TOGARAM1: variants seen among roughly 807,000 people sequenced by gnomAD.
The protein encoded by TOGARAM1 is TOG array regulator of axonemal microtubules protein 1.
Under a neutral mutation model 166.6 loss-of-function variants are expected in TOGARAM1, and 100 were observed. That is an observed-to-expected ratio of 0.60 (90% CI 0.51 to 0.71). TOGARAM1 has a LOEUF of 0.71. Ranked by LOEUF, TOGARAM1 falls within the 30% of genes least tolerant of loss-of-function variation. The pLI, the probability that TOGARAM1 is intolerant of heterozygous loss-of-function variation, is 0.00. For missense variants in TOGARAM1, 2,029 were observed against 2,102.7 expected (o/e 0.96, Z 0.69); for synonymous variants, 758 against 763.8 (o/e 0.99, Z 0.13).
intron 1 of TOGARAM1, among the ~76,000 whole-genome samples, chr14:44,964,905 TC>T (rs1885430663): frequency 1.9e-5 from 2 of 107,512 alleles, no homozygotes; most frequent in African/African-American, 7.4e-5. Context: ...ATATAAAGAG[TC>T]CTGCAGGAAT....
rs1326554465 is a variant in TOGARAM1, at chr14:44,989,905, G to A, written c.2047-5841G>A. On this transcript the variant is annotated intron_variant, in intron 1 of 19. Coordinates refer to ENST00000361462, the MANE Select transcript of TOGARAM1 (RefSeq NM_001308120.2). The stretch of plus-strand genomic sequence containing the variant: ...CAGGAAACTTACAATCATAGTGGAA[G>A]GAGAAGAGGCACATCTTACATGGCA... Among the ~76,000 whole-genome samples, 9 of 152,222 alleles carry A rather than the reference G, an allele frequency of 5.9e-5. 1 individual carries two copies. The East Asian group carries it at 1.7e-3, about 29-fold the overall frequency.
At chr14:45,014,283 C>A (rs1299248387) in intron 7 of TOGARAM1, among the ~76,000 whole-genome samples, 1 of 151,936 alleles carries the variant, frequency 6.6e-6, no homozygotes, top group Non-Finnish European at 1.5e-5. Context: ...CCCACCTCGG[C>A]CTCCCAACAA....
At chr14:44,993,493 A>C (rs1325184852) in intron 1 of TOGARAM1, among the ~76,000 whole-genome samples, 2 of 152,212 alleles carry the variant, frequency 1.3e-5, no homozygotes, top group African/African-American at 4.8e-5. Flanking sequence ...GAGAGTCATC[A>C]ATCAGGTGCT....
intron 7 of TOGARAM1, among the ~76,000 whole-genome samples, chr14:45,018,640 G>A (rs1452025936): frequency 6.6e-6 from 1 of 152,142 alleles, no homozygotes; most frequent in Non-Finnish European, 1.5e-5. Flanking sequence ...TGAGTAAGAT[G>A]GAGCTTGATT....
intron 1 of TOGARAM1, among the ~76,000 whole-genome samples, chr14:44,981,781 T>A (rs1388099866): frequency 6.6e-6 from 1 of 152,150 alleles, no homozygotes; most frequent in African/African-American, 2.4e-5. Context: ...TAATTTCAGT[T>A]TATGAATACA....
At chr14:45,001,189 A>G (rs1333685233) in intron 3 of TOGARAM1, among the ~76,000 whole-genome samples, 1 of 152,226 alleles carries the variant, frequency 6.6e-6, no homozygotes, top group Non-Finnish European at 1.5e-5. Context: ...CTGGAGTGAC[A>G]TGATATCTTA....
intron 14 of TOGARAM1, among the ~76,000 whole-genome samples, chr14:45,050,344 C>T (rs1882300197): frequency 6.6e-6 from 1 of 152,136 alleles, no homozygotes; most frequent in Non-Finnish European, 1.5e-5. Flanking sequence ...CCTCCGCCTC[C>T]TGAGCTCAAG....
At chr14:45,043,823 G>T in intron 12 of TOGARAM1, 32 bp downstream of exon 12, 1 of 1,226,656 alleles carries the variant, frequency 8.2e-7, no homozygotes, top group Non-Finnish European at 1.2e-6. Context: ...GTTAAGGATT[G>T]TTAGAATAAC....
At chr14:45,049,351 C>T (rs1882244608) in intron 14 of TOGARAM1, among the ~76,000 whole-genome samples, 1 of 152,022 alleles carries the variant, frequency 6.6e-6, no homozygotes, top group African/African-American at 2.4e-5. Context: ...CAAGCTCCGC[C>T]TTCCGGGTTC....
chr14:45,048,846 G>A (rs908787486), intron 14 of TOGARAM1, among the ~76,000 whole-genome samples: 7 of 151,746 alleles, frequency 4.6e-5, no homozygotes, highest in Admixed American at 6.6e-5. Flanking sequence ...GCGTGGTGGC[G>A]TGTGCCTATA....
chr14:45,070,844 T>G (rs1265183425), intron 18 of TOGARAM1, among the ~76,000 whole-genome samples: 1 of 152,250 alleles, frequency 6.6e-6, no homozygotes, highest in African/African-American at 2.4e-5. Context: ...TCTCTGTTTC[T>G]ATTATTATTT....
intron 3 of TOGARAM1, among the ~76,000 whole-genome samples, chr14:45,000,373 A>G (rs1271218196): frequency 6.6e-6 from 1 of 152,110 alleles, no homozygotes; most frequent in East Asian, 1.9e-4. Context: ...CAGCCTCTGG[A>G]TACCATCATT....
At chr14:45,019,086 T>A (rs186838886) in intron 7 of TOGARAM1, among the ~76,000 whole-genome samples, 2 of 152,372 alleles carry the variant, frequency 1.3e-5, no homozygotes, top group African/African-American at 4.8e-5. Context: ...GCTTTCTTCC[T>A]ATACCCATTT....
Position 44,964,130 on chromosome 14 carries a change from A to G in TOGARAM1, c.1709A>G (p.Gln570Arg). Residue 570 changes from glutamine (Q) to arginine (R), a missense_variant, in exon 1 of 20, where the codon CAG becomes CGG. By Grantham distance (43) the Gln-to-Arg change is conservative. Coordinates refer to ENST00000361462, the MANE Select transcript of TOGARAM1 (RefSeq NM_001308120.2). ...GGAGATGGAGTGATGAATGCTGTGC[A>G]GGCCAGATTGGCTAGGAAAACCTTA... ...DNGDGVMNAVQARLARKTLPR... is the reference protein window; with the variant it reads ...DNGDGVMNAVRARLARKTLPR... 1.2e-6 allele frequency: 2 copies of G among 1,614,248 alleles called. No homozygotes were observed. Among genetic ancestry groups the G allele is most frequent in the Non-Finnish European group, 1.7e-6 (2 of 1,180,040 alleles).
In TOGARAM1 at chr14:44,964,538, A is replaced by AG. The variant is rs1885407374; in HGVS notation, c.2046+74dup. The AG allele has an allele frequency of 2.7e-6, 4 of 1,472,160 alleles. No homozygotes were observed. In the Admixed American group the frequency reaches 9.2e-5, roughly 34 times the overall value. 91.2% of individuals were successfully genotyped at this position (1,472,160 alleles called of 1,614,324 possible). On this transcript the variant is annotated intron_variant, in intron 1 of 19. Transcript: ENST00000361462. The stretch of plus-strand genomic sequence containing the variant: ...ATGAAAATATGCCCGTGATGACTTA[A>AG]GGGTCAGCCTGCTTGAGGGAAACAT...
intron 16 of TOGARAM1, among the ~76,000 whole-genome samples, chr14:45,064,739 C>T (rs939255402): frequency 2.0e-5 from 3 of 152,136 alleles, no homozygotes; most frequent in East Asian, 3.8e-4. Flanking sequence ...GCTTTTTAAT[C>T]AGGGTATTTG....
intron 13 of TOGARAM1, 65 bp from the exon 14 acceptor site, chr14:45,046,480 T>G: frequency 8.1e-7 from 1 of 1,229,882 alleles, no homozygotes. Flanking sequence ...AACCCATAGA[T>G]CCATAGATCT....
intron 18 of TOGARAM1, 77 bp downstream of exon 18, chr14:45,068,720 G>A (rs1883249001): frequency 3.7e-6 from 4 of 1,083,572 alleles, no homozygotes; most frequent in Non-Finnish European, 5.2e-6. Context: ...TACTTTTTTT[G>A]TAATGCTGAA....
chr14:44,997,497 A>G (rs1887478273), intron 2 of TOGARAM1: 1 of 151,060 alleles, frequency 6.6e-6, no homozygotes, highest in Non-Finnish European at 1.5e-5. Flanking sequence ...GATTGGGTAT[A>G]GAATGTGAGA....
Sources: allele counts gnomAD v4.1 joint callset (sites outside exome capture counted in the v4.1 genomes callset), GRCh38; gene constraint gnomAD v4.1.1; transcripts MANE v1.5; gene names NCBI Gene and HGNC (gene_info 2026-07-23, HGNC 2026-07-21).